FOXP1: variants seen among roughly 807,000 people sequenced by gnomAD.
FOXP1 encodes the protein forkhead box P1, also known as forkhead box protein P1.
FOXP1 carries 15 observed loss-of-function variants against 98.2 expected under a neutral mutation model. The observed-to-expected ratio is 0.15, with a 90% CI of 0.10 to 0.24. The LOEUF is 0.24. Among genes scored for constraint, FOXP1 ranks in the 10% least tolerant of loss-of-function variants. The probability of loss-of-function intolerance (pLI) is 1.00; values close to 1 mark genes in which losing one functional copy is unlikely to be tolerated. For synonymous variants in FOXP1, 371 were observed against 314.5 expected (o/e 1.18, Z -1.90); for missense variants, 633 against 848.5 (o/e 0.75, Z 3.15).
At chr3:71,216,736 A>AG (rs1239507155) in intron 5 of FOXP1, among the ~76,000 whole-genome samples, 24 of 152,122 alleles carry the variant, frequency 1.6e-4, no homozygotes, top group Admixed American at 6.5e-5. Flanking sequence ...ATGAGGGAAA[A>AG]GGATACACCA....
chr3:71,243,793 G>C (rs149251161), intron 5 of FOXP1, among the ~76,000 whole-genome samples: 55 of 152,258 alleles, frequency 3.6e-4, no homozygotes, highest in African/African-American at 1.3e-3. Flanking sequence ...CCCTTTTCAG[G>C]TGGAGATGAA....
At chr3:71,007,634 G>C (rs945777653) in intron 12 of FOXP1, among the ~76,000 whole-genome samples, 2 of 152,140 alleles carry the variant, frequency 1.3e-5, no homozygotes, top group African/African-American at 2.4e-5. Context: ...AGGCTTTCTT[G>C]AAGTGTTTTC....
chr3:71,367,600 T>C (rs995146892), intron 3 of FOXP1, among the ~76,000 whole-genome samples: 2 of 152,032 alleles, frequency 1.3e-5, no homozygotes, highest in Non-Finnish European at 2.9e-5. Flanking sequence ...GCTGAGTGGG[T>C]AAAACAACAT....
intron 5 of FOXP1, among the ~76,000 whole-genome samples, chr3:71,232,883 A>AAAAAAAAAAAAC: frequency 6.9e-6 from 1 of 145,178 alleles, no homozygotes; most frequent in Admixed American, 6.9e-5. Flanking sequence ...GTCTCAAAAA[A>AAAAAAAAAAAAC]AAAAAAAAAA....
In FOXP1 at chr3:71,041,430, G is replaced by T; in HGVS notation, c.767C>A (p.Thr256Lys). 1 of 1,613,896 alleles carries T rather than the reference G, an allele frequency of 6.2e-7. No homozygotes were observed. Among genetic ancestry groups the T allele is most frequent in the Non-Finnish European group, 8.5e-7 (1 of 1,179,828 alleles). The change falls in exon 11 of 21, where the codon ACG (threonine) becomes AAG (lysine). Residue 256 changes from threonine (T) to lysine (K), a missense_variant. Physicochemically the swap from Thr to Lys is moderately conservative, Grantham distance 78. Transcript: ENST00000649528. ...AGGTGCAGAGGAGGAGACACATGTC[G>T]TGGTCAGATCCAAACTGCTGTGATT... ...GNNHSSLDLT[T>K]TCVSSSAPSK...
At chr3:71,345,508 G>A (rs2077281324) in intron 4 of FOXP1, among the ~76,000 whole-genome samples, 1 of 151,760 alleles carries the variant, frequency 6.6e-6, no homozygotes, top group Admixed American at 6.6e-5. Flanking sequence ...CTTTAGCTTT[G>A]TGGGCCACTA....
intron 6 of FOXP1, among the ~76,000 whole-genome samples, chr3:71,121,764 A>C (rs2058793027): frequency 6.6e-6 from 1 of 152,178 alleles, no homozygotes; most frequent in Non-Finnish European, 1.5e-5. Flanking sequence ...TTTATTAGAA[A>C]ATGTCTAAAA....
chr3:71,280,189 G>A (rs1347130786), intron 5 of FOXP1, among the ~76,000 whole-genome samples: 1 of 151,310 alleles, frequency 6.6e-6, no homozygotes, highest in African/African-American at 2.4e-5. Flanking sequence ...TTGTTCTAAT[G>A]GGTACTTTTT....
chr3:71,549,264 C>CCTAGTGTTT (rs1438299977), intron 2 of FOXP1, among the ~76,000 whole-genome samples: 1 of 152,198 alleles, frequency 6.6e-6, no homozygotes, highest in Admixed American at 6.5e-5. Context: ...TTCTCCCCTA[C>CCTAGTGTTT]CTAGTGTTTC....
At chr3:70,975,538 T>C (rs373671518) in intron 17 of FOXP1, among the ~76,000 whole-genome samples, 8 of 152,214 alleles carry the variant, frequency 5.3e-5, no homozygotes, top group Admixed American at 5.2e-4. Context: ...TTGCTTTGGT[T>C]TTTCTCCGGT....
intron 5 of FOXP1, among the ~76,000 whole-genome samples, chr3:71,298,293 C>T (rs1317359859): frequency 2.0e-5 from 3 of 151,962 alleles, no homozygotes; most frequent in East Asian, 2.0e-4. Flanking sequence ...GGTGAAACCC[C>T]GCCTCTCCTA....
intron 6 of FOXP1, among the ~76,000 whole-genome samples, chr3:71,177,840 CTTTTTT>C (rs397704711): frequency 1.7e-5 from 2 of 114,932 alleles, no homozygotes; most frequent in Non-Finnish European, 3.4e-5. Flanking sequence ...TTCTTTCTTT[CTTTTTT>C]TTTTTTTTTT....
At chr3:71,424,537 G>A (rs938517974) in intron 3 of FOXP1, among the ~76,000 whole-genome samples, 8 of 152,086 alleles carry the variant, frequency 5.3e-5, no homozygotes. Flanking sequence ...AGGTGGTTCT[G>A]TAAGAACACT....
rs148383852 is a variant in FOXP1, at chr3:71,577,050, C to A, written c.-298+4499G>T. Among the ~76,000 whole-genome samples the A allele has an allele frequency of 7.5e-4, 114 of 152,294 alleles. 1 individual carries two copies. Among genetic ancestry groups the A allele is most frequent in the African/African-American group, 2.6e-3 (107 of 41,558 alleles). On this transcript the variant is annotated intron_variant, in intron 2 of 20. Transcript: ENST00000649528. ...CCAATCTGGTCAATAGATTTCACGA[C>A]TGGGTAAAACAACAGTGCGTGCGAA...
At chr3:71,541,828 G>C in intron 2 of FOXP1, 1 of 414,864 alleles carries the variant, frequency 2.4e-6, no homozygotes. Flanking sequence ...AAAGACTCCT[G>C]GTTTTAAAAC....
chr3:71,203,139 C>A (rs2108414468), intron 5 of FOXP1, among the ~76,000 whole-genome samples: 1 of 152,344 alleles, frequency 6.6e-6, no homozygotes, highest in Middle Eastern at 3.4e-3. Context: ...AAGACCAAAT[C>A]TTCCTCTGCT....
At chr3:71,228,967 GT>G (rs1553789880) in intron 5 of FOXP1, among the ~76,000 whole-genome samples, 19 of 59,344 alleles carry the variant, frequency 3.2e-4, no homozygotes, top group African/African-American at 7.8e-4. Flanking sequence ...ACTGTTGGTT[GT>G]TTTTTTTTTT....
intron 3 of FOXP1, among the ~76,000 whole-genome samples, chr3:71,369,312 T>C (rs954105497): frequency 1.3e-5 from 2 of 151,908 alleles, no homozygotes; most frequent in African/African-American, 4.8e-5. Flanking sequence ...ATAGCTTGAA[T>C]CTGGGATGCG....
At chr3:71,335,891 G>A (rs6809994) in intron 4 of FOXP1, among the ~76,000 whole-genome samples, 61,029 of 151,458 alleles carry the variant, frequency 0.4, 13,936 homozygotes, top group East Asian at 0.73. Flanking sequence ...TGTAATTCCA[G>A]CTACTCAGGA....
Sources: gnomAD v4.1 joint callset for allele counts (sites outside exome capture counted in the v4.1 genomes callset) on GRCh38, gnomAD v4.1.1 for gene constraint, MANE v1.5 for transcripts, NCBI Gene and HGNC (gene_info 2026-07-23, HGNC 2026-07-21) for gene names.